KCNH7: variants seen among roughly 807,000 people sequenced by gnomAD.
KCNH7 encodes potassium voltage-gated channel subfamily H member 7.
KCNH7 carries 49 observed loss-of-function variants against 120.8 expected under a neutral mutation model. The ratio of observed to expected loss-of-function variants is 0.41; its 90% CI spans 0.32 to 0.51. The LOEUF (loss-of-function observed/expected upper bound fraction) is 0.51. KCNH7 is among the 20% of genes least tolerant of loss of function. The pLI is 0.38. For synonymous variants in KCNH7, 547 were observed against 516.1 expected (o/e 1.06, Z -0.81); for missense variants, 1,097 against 1,446.6 (o/e 0.76, Z 3.92).
At chr2:162,501,340 T>C (rs1181394738) in intron 6 of KCNH7, among the ~76,000 whole-genome samples, 1 of 152,092 alleles carries the variant, frequency 6.6e-6, no homozygotes, top group East Asian at 1.9e-4. Context: ...ATTCTGATCT[T>C]CCAGCAGTTT....
At chr2:162,447,979 A>C (rs894195220) in intron 6 of KCNH7, among the ~76,000 whole-genome samples, 6 of 152,232 alleles carry the variant, frequency 3.9e-5, no homozygotes, top group Admixed American at 3.3e-4. Flanking sequence ...TGACCTGACC[A>C]CTTAATCAGT....
At chr2:162,553,062 G>C (rs563713238) in intron 2 of KCNH7, among the ~76,000 whole-genome samples, 4 of 152,164 alleles carry the variant, frequency 2.6e-5, no homozygotes, top group Non-Finnish European at 5.9e-5. Flanking sequence ...CACAGCAAAA[G>C]CTACTTCTGG....
chr2:162,698,402 G>A (rs1327156520), intron 2 of KCNH7, among the ~76,000 whole-genome samples: 1 of 143,860 alleles, frequency 7.0e-6, no homozygotes, highest in African/African-American at 2.6e-5. Flanking sequence ...TATTTTTTTT[G>A]TTTTGTAGGA....
intron 9 of KCNH7, among the ~76,000 whole-genome samples, chr2:162,417,466 A>C (rs1460682148): frequency 6.6e-6 from 1 of 152,172 alleles, no homozygotes. Flanking sequence ...TTCTATTCAA[A>C]TAGGAACATT....
At chr2:162,733,367 T>A (rs1687793991) in intron 2 of KCNH7, among the ~76,000 whole-genome samples, 1 of 152,214 alleles carries the variant, frequency 6.6e-6, no homozygotes, top group Non-Finnish European at 1.5e-5. Context: ...TCTGCCCAAC[T>A]CATTGACATC....
intron 2 of KCNH7, among the ~76,000 whole-genome samples, chr2:162,803,237 T>C (rs1302663131): frequency 6.6e-6 from 1 of 151,780 alleles, no homozygotes; most frequent in Non-Finnish European, 1.5e-5. Context: ...TCCAATTTAG[T>C]TCAATTTCCA....
chr2:162,475,938 G>A (rs1280936633), intron 6 of KCNH7, among the ~76,000 whole-genome samples: 3 of 152,208 alleles, frequency 2.0e-5, no homozygotes, highest in Non-Finnish European at 4.4e-5. Flanking sequence ...ACGTTTGTTA[G>A]TTTGTATGAA....
intron 2 of KCNH7, among the ~76,000 whole-genome samples, chr2:162,635,753 C>T (rs144452318): frequency 1.9e-3 from 295 of 152,126 alleles, no homozygotes; most frequent in African/African-American, 6.8e-3. Flanking sequence ...AAATTTTCAG[C>T]GAGAGTGCAG....
At chr2:162,801,639 C>T (rs1254164336) in intron 2 of KCNH7, among the ~76,000 whole-genome samples, 2 of 151,814 alleles carry the variant, frequency 1.3e-5, no homozygotes, top group Admixed American at 6.6e-5. Context: ...AGCAACTCTT[C>T]TGTGCCATTA....
intron 2 of KCNH7, among the ~76,000 whole-genome samples, chr2:162,829,207 G>C (rs537670522): frequency 6.6e-6 from 1 of 152,170 alleles, no homozygotes; most frequent in South Asian, 2.1e-4. Context: ...ACCTGACTCT[G>C]TTGCTTCTTG....
rs543162183 is a variant in KCNH7, at chr2:162,443,841, C to A, written c.1554+2177G>T. ...TGGTCTCTGTCTCTGCCTTCTCAAA[C>A]CTTAGCATTCCACCTCTTACTGTGT... On this transcript the variant is annotated intron_variant, in intron 7 of 15. Transcript: ENST00000332142. Among the ~76,000 whole-genome samples the A allele has an allele frequency of 1.1e-4, 17 of 152,308 alleles. No homozygotes were observed. In the South Asian group the frequency reaches 2.1e-3, roughly 19 times the overall value.
At position 162,563,352 on chromosome 2, in the gene KCNH7, T is replaced by C. The variant is rs546661975; in HGVS notation, c.308-26272A>G. Reference sequence around the variant, plus strand: ...AAGGGTTTTAAGATAAGCAAGCAGTTACATTTTAATTACTTTACCTTGTAT... The same window carrying C: ...AAGGGTTTTAAGATAAGCAAGCAGTCACATTTTAATTACTTTACCTTGTAT... On this transcript the variant is annotated intron_variant, in intron 2 of 15. Coordinates refer to ENST00000332142, the MANE Select transcript of KCNH7 (RefSeq NM_033272.4). Among the ~76,000 whole-genome samples the C allele has an allele frequency of 7.9e-4, 120 of 152,346 alleles. No homozygotes were observed. The South Asian group carries it at 0.024, about 30-fold the overall frequency.
At chr2:162,430,032 C>T (rs1573947905) in intron 8 of KCNH7, among the ~76,000 whole-genome samples, 2 of 151,574 alleles carry the variant, frequency 1.3e-5, no homozygotes, top group African/African-American at 4.8e-5. Flanking sequence ...TTCTTCAATG[C>T]TTGTAACTTT....
At chr2:162,372,139 T>C (rs2105382225) in intron 15 of KCNH7, 44 bp from the exon 16 acceptor site, 4 of 1,452,470 alleles carry the variant, frequency 2.8e-6, no homozygotes, top group Non-Finnish European at 1.9e-6. Context: ...TTCACATTGA[T>C]AGATAGTCAT....
At chr2:162,491,159 C>G (rs187181619) in intron 6 of KCNH7, among the ~76,000 whole-genome samples, 3 of 152,312 alleles carry the variant, frequency 2.0e-5, no homozygotes, top group Admixed American at 1.3e-4. Context: ...ACCTGTGGAG[C>G]CTTTCCTCCT....
chr2:162,744,008 A>G (rs13391666), intron 2 of KCNH7, among the ~76,000 whole-genome samples: 37,891 of 152,072 alleles, frequency 0.25, 7,410 homozygotes, highest in African/African-American at 0.53. Context: ...ACCAAGGGAG[A>G]GACTAGTTTT....
At chr2:162,419,732 A>G (rs989584825) in intron 9 of KCNH7, among the ~76,000 whole-genome samples, 1 of 152,174 alleles carries the variant, frequency 6.6e-6, no homozygotes, top group Admixed American at 6.6e-5. Flanking sequence ...CTCTTCATCC[A>G]GAAAGATATA....
At chr2:162,554,617 C>T (rs948773753) in intron 2 of KCNH7, among the ~76,000 whole-genome samples, 1 of 152,240 alleles carries the variant, frequency 6.6e-6, no homozygotes, top group African/African-American at 2.4e-5. Flanking sequence ...AGCAATGTAG[C>T]ATCTTTAAAT....
At chr2:162,662,947 C>G (rs1466129522) in intron 2 of KCNH7, among the ~76,000 whole-genome samples, 3 of 152,188 alleles carry the variant, frequency 2.0e-5, no homozygotes, top group Admixed American at 6.5e-5. Flanking sequence ...TCTTCTTACT[C>G]CTCTGATGCC....
Sources: gnomAD v4.1 joint callset for allele counts (sites outside exome capture counted in the v4.1 genomes callset) on GRCh38, gnomAD v4.1.1 for gene constraint, MANE v1.5 for transcripts, NCBI Gene and HGNC (gene_info 2026-07-23, HGNC 2026-07-21) for gene names.